The following THAP3 variants were observed in gnomAD, a reference collection of about 807,000 sequenced individuals.
The protein encoded by THAP3 is THAP domain containing 3.
THAP3 carries 12 observed loss-of-function variants against 17.7 expected under a neutral mutation model. That is an observed-to-expected ratio of 0.68 (90% confidence interval 0.43 to 1.10). THAP3 has a LOEUF of 1.10. THAP3 is among the 50% of genes least tolerant of loss of function. THAP3 has a pLI of 0.00. For missense variants in THAP3, 289 were observed against 318.0 expected (o/e 0.91, Z 0.69); for synonymous variants, 133 against 126.9 (o/e 1.05, Z -0.32).
At position 6,633,101 on chromosome 1, in the gene THAP3, G is replaced by A. The variant is rs1477031306; in HGVS notation, c.*24G>A. ...GAGCCCCACAGGCTCCGGACGCAGA[G>A]GTGGCAGTGGCACCAGGGCCGGCAG... On this transcript the variant is annotated 3_prime_UTR_variant, in exon 6 of 6. Transcript: ENST00000054650. The A allele has an allele frequency of 6.4e-7, 1 of 1,574,468 alleles. No individual in the cohort carries two copies.
At chr1:6,626,847 AAAAAC>A (rs1413269346) in intron 2 of THAP3, among the ~76,000 whole-genome samples, 2 of 152,246 alleles carry the variant, frequency 1.3e-5, no homozygotes, top group Non-Finnish European at 1.5e-5. Flanking sequence ...CTCCGTCTCA[AAAAAC>A]AAAACAAAAC....
chr1:6,631,495 G>A (rs369335323), intron 4 of THAP3, among the ~76,000 whole-genome samples: 2 of 152,048 alleles, frequency 1.3e-5, no homozygotes, highest in Non-Finnish European at 2.9e-5. Flanking sequence ...CGGGCTGGGC[G>A]CAGTGGCTTG....
intron 3 of THAP3, among the ~76,000 whole-genome samples, chr1:6,629,318 G>T (rs916904240): frequency 1.3e-5 from 2 of 152,218 alleles, no homozygotes; most frequent in Non-Finnish European, 2.9e-5. Context: ...TCCCTGCATT[G>T]GTGGATTTAT....
At position 6,633,221 on chromosome 1, in the gene THAP3, C is replaced by T; in HGVS notation, c.*144C>T. On this transcript the variant is annotated 3_prime_UTR_variant, in exon 6 of 6. Coordinates refer to ENST00000054650, the MANE Select transcript of THAP3 (RefSeq NM_001195753.2). ...CTTGGCCGGGGATCGAGACAGTAGCCAAGCTCCCCGGCGAGAGCCCCAATG... is the reference window on the plus strand; with the variant it reads ...CTTGGCCGGGGATCGAGACAGTAGCTAAGCTCCCCGGCGAGAGCCCCAATG... The T allele has an allele frequency of 1.4e-6, 2 of 1,448,382 alleles. No individual in the cohort carries two copies. The highest frequency in any genetic ancestry group is 1.8e-6 in the Non-Finnish European group (2 of 1,107,188). 89.7% of individuals were successfully genotyped at this position (1,448,382 alleles called of 1,614,324 possible). A position where few individuals can be genotyped will look rare whatever the true frequency, so the allele number is the denominator to read the frequency against.
intron 2 of THAP3, chr1:6,628,254 A>ATAC (rs1442417048): frequency 6.3e-6 from 3 of 475,834 alleles, no homozygotes; most frequent in Non-Finnish European, 1.1e-5. Context: ...CTCCTGGCAA[A>ATAC]TGTAGCATCG....
At chr1:6,634,912 G>A (rs1001263963), downstream of THAP3, 39 of 1,171,534 alleles carry the variant, frequency 3.3e-5, no homozygotes, top group Non-Finnish European at 3.9e-5. Context: ...GAGGTGGGTG[G>A]TGCAGGCGGT....
At chr1:6,634,108 T>C (rs1169632207), downstream of THAP3, 32 of 1,605,908 alleles carry the variant, frequency 2.0e-5, no homozygotes, top group Non-Finnish European at 2.7e-5. Flanking sequence ...AGGAGGCCTC[T>C]GGGGAAGGGG....
intron 4 of THAP3, among the ~76,000 whole-genome samples, chr1:6,631,213 TG>T (rs1641604844): frequency 1.3e-5 from 2 of 151,122 alleles, no homozygotes; most frequent in Non-Finnish European, 2.9e-5. Flanking sequence ...ATGGGGGTCT[TG>T]CTATCTTGCC....
At chr1:6,628,246 C>G in intron 2 of THAP3, 1 of 467,152 alleles carries the variant, frequency 2.1e-6, no homozygotes, top group Non-Finnish European at 3.8e-6. Context: ...CTGGTAGGCT[C>G]CTGGCAAATG....
At chr1:6,627,816 C>T (rs1365438211) in intron 2 of THAP3, 5 of 152,312 alleles carry the variant, frequency 3.3e-5, no homozygotes, top group Admixed American at 3.3e-4. Context: ...CTCTCATTAC[C>T]ACTTCCTGCC....
At chr1:6,625,448 G>T (rs1216244189) in intron 2 of THAP3, among the ~76,000 whole-genome samples, 156 bp downstream of exon 2, 1 of 151,792 alleles carries the variant, frequency 6.6e-6, no homozygotes, top group African/African-American at 2.4e-5. Flanking sequence ...TGGCGCCGCC[G>T]CGCCCGCCGC....
At chr1:6,635,071 G>T, downstream of THAP3, 1 of 204,260 alleles carries the variant, frequency 4.9e-6, no homozygotes, top group Non-Finnish European at 9.8e-6. Flanking sequence ...GACTTGAGCA[G>T]CTCTGGGAGT....
intron 4 of THAP3, among the ~76,000 whole-genome samples, chr1:6,630,937 G>T (rs564931541): frequency 6.6e-6 from 1 of 151,172 alleles, no homozygotes; most frequent in South Asian, 2.1e-4. Flanking sequence ...TCAAACTACC[G>T]GGCTCAAGCC....
chr1:6,625,282 A>T lies in THAP3; in HGVS notation c.64A>T (p.Thr22Ser). ...NRYSSRRKQLTFHRFPFSRPE... is the reference protein window; with the variant it reads ...NRYSSRRKQLSFHRFPFSRPE... Reference sequence around the variant, plus strand: ...CTACAGCAGCCGCAGGAAGCAGCTCACCTTCCACCGGTAAGAGGCGGGGAC... The same window carrying T: ...CTACAGCAGCCGCAGGAAGCAGCTCTCCTTCCACCGGTAAGAGGCGGGGAC... The change falls in exon 2 of 6, where the codon ACC becomes TCC. Residue 22 changes from threonine to serine, a missense_variant. Coordinates refer to ENST00000054650, the MANE Select transcript of THAP3 (RefSeq NM_001195753.2). 1 of 1,541,970 alleles carries T rather than the reference A, an allele frequency of 6.5e-7. No individual in the cohort carries two copies. The highest frequency in any genetic ancestry group is 8.7e-7 in the Non-Finnish European group (1 of 1,146,104).
At chr1:6,625,397 C>A in intron 2 of THAP3, 105 bp downstream of exon 2, 1 of 1,098,220 alleles carries the variant, frequency 9.1e-7, no homozygotes, top group Non-Finnish European at 1.2e-6. Context: ...CGTGCGGCCG[C>A]TGGGCCCGGG....
In THAP3 at chr1:6,630,284, G is replaced by T. The variant is rs777199695; in HGVS notation, c.268-4G>T. 6.2e-7 allele frequency: 1 copy of T among 1,614,120 alleles called. No individual in the cohort carries two copies. Among genetic ancestry groups the T allele is most frequent in the South Asian group, 1.1e-5 (1 of 91,086 alleles). On this transcript the variant is annotated splice_region_variant and splice_polypyrimidine_tract_variant and intron_variant, in intron 3 of 5. Transcript: ENST00000054650. ...TGCATCCACTCTGTGTGTGTCTCTT[G>T]TAGCAGGTGAGGGAGAACACAGACC...
intron 4 of THAP3, among the ~76,000 whole-genome samples, chr1:6,630,822 T>C (rs1400729701): frequency 1.3e-5 from 2 of 152,070 alleles, no homozygotes; most frequent in Non-Finnish European, 2.9e-5. Context: ...TCCACCCACC[T>C]CTGCCTCACA....
intron 2 of THAP3, 40 bp downstream of exon 2, chr1:6,625,332 CG>C: frequency 1.3e-6 from 2 of 1,500,006 alleles, no homozygotes. Flanking sequence ...GGCCCAGACC[CG>C]GGGCCCGCGG....
At chr1:6,632,724 T>C (rs533193406) in intron 5 of THAP3, 72 bp from the exon 6 acceptor site, 2 of 1,581,702 alleles carry the variant, frequency 1.3e-6, no homozygotes, top group South Asian at 2.2e-5. Flanking sequence ...TGTGCGTGTC[T>C]GGTGGCCTGC....
Sources: gnomAD v4.1 joint callset for allele counts (sites outside exome capture counted in the v4.1 genomes callset) on GRCh38, gnomAD v4.1.1 for gene constraint, MANE v1.5 for transcripts, NCBI Gene and HGNC (gene_info 2026-07-23, HGNC 2026-07-21) for gene names.